The following RNF130 variants were observed in gnomAD, a reference collection of about 807,000 sequenced individuals.
The protein encoded by RNF130 is E3 ubiquitin-protein ligase RNF130.
Under a neutral mutation model 44.6 loss-of-function variants are expected in RNF130, and 21 were observed. The ratio of observed to expected loss-of-function variants is 0.47; its 90% CI spans 0.33 to 0.68. The LOEUF (loss-of-function observed/expected upper bound fraction) is 0.68, where lower values mean the gene tolerates loss of function less well. Among genes scored for constraint, RNF130 ranks in the 30% least tolerant of loss-of-function variants. The probability of loss-of-function intolerance (pLI) is 0.02; values close to 1 mark genes in which losing one functional copy is unlikely to be tolerated. For missense variants in RNF130, 479 were observed against 560.6 expected (o/e 0.85, Z 1.47); for synonymous variants, 214 against 210.4 (o/e 1.02, Z -0.15).
At chr5:179,927,959 C>A (rs978640871) in intron 7 of RNF130, among the ~76,000 whole-genome samples, 3 of 152,094 alleles carry the variant, frequency 2.0e-5, no homozygotes, top group Non-Finnish European at 4.4e-5. Flanking sequence ...TAGACTCTGT[C>A]TGACACACAA....
rs531973309 is a variant in RNF130 at position 180,027,810 on chromosome 5, A to T, written c.442+12643T>A. 3.0e-4 allele frequency among the ~76,000 whole-genome samples: 46 copies of T among 152,326 alleles called. No homozygotes were observed. The South Asian group carries it at 6.0e-3, about 20-fold the overall frequency. On this transcript the variant is annotated intron_variant, in intron 2 of 8. Transcript: ENST00000521389. ...ATCAGATGGCAGAGAAGAAGCTAGG[A>T]ACCCTGCTAGCTGCTTGAGACAGCT...
chr5:179,966,444 A>C (rs767977599), intron 7 of RNF130, among the ~76,000 whole-genome samples: 6 of 152,236 alleles, frequency 3.9e-5, no homozygotes, highest in Non-Finnish European at 8.8e-5. Flanking sequence ...ACGAGCGCTC[A>C]CAGCATACAA....
chr5:179,990,540 T>C (rs1483178112), intron 3 of RNF130, among the ~76,000 whole-genome samples: 1 of 152,218 alleles, frequency 6.6e-6, no homozygotes, highest in Non-Finnish European at 1.5e-5. Context: ...CAGTCGGGCC[T>C]TCCACAAGAG....
In RNF130 at chr5:180,020,659, C is replaced by T. The variant is rs140889225; in HGVS notation, c.443-7348G>A. 6.6e-5 allele frequency among the ~76,000 whole-genome samples: 10 copies of T among 152,256 alleles called. No individual in the cohort carries two copies. The East Asian group carries it at 1.9e-3, about 29-fold the overall frequency. On this transcript the variant is annotated intron_variant, in intron 2 of 8. Transcript: ENST00000521389. ...ATCACATACAAGTAGGGCCAAGGGG[C>T]CACAGTACAGCACTTGAATGTCAGC...
intron 2 of RNF130, among the ~76,000 whole-genome samples, chr5:180,038,464 G>A (rs1226215006): frequency 6.6e-6 from 1 of 150,410 alleles, no homozygotes; most frequent in African/African-American, 2.4e-5. Context: ...TTGGATTATA[G>A]GATTACAGGT....
At chr5:179,920,110 TACC>T (rs1761606262) in exon 8 of RNF130, 2 of 486,564 alleles carry the variant, frequency 4.1e-6, no homozygotes, top group Admixed American at 6.5e-5. Flanking sequence ...GGGTTTTCAA[TACC>T]ACAAGGCTCA....
At chr5:179,958,821 C>G (rs1219497374) in intron 8 of RNF130, among the ~76,000 whole-genome samples, 1 of 152,094 alleles carries the variant, frequency 6.6e-6, no homozygotes, top group Non-Finnish European at 1.5e-5. Flanking sequence ...GCTGGGATTA[C>G]AGGTACCTGC....
rs781777807 is a variant in RNF130 at position 180,011,370 on chromosome 5, GT to G, written c.693+1690del. On this transcript the variant is annotated intron_variant, in intron 3 of 8. Coordinates refer to ENST00000521389, the MANE Select transcript of RNF130 (RefSeq NM_018434.6). ...TACTGATTTTGATAACCACACTATG[GT>G]TATGTAAGAGAATGTTCTTGTTTTT... Among the ~76,000 whole-genome samples, 6 of 152,266 alleles carry G rather than the reference GT, an allele frequency of 3.9e-5. No homozygotes were observed. In the East Asian group the frequency reaches 1.2e-3, roughly 29 times the overall value.
chr5:180,014,505 GT>G (rs1453594538), intron 2 of RNF130, among the ~76,000 whole-genome samples: 1 of 152,090 alleles, frequency 6.6e-6, no homozygotes, highest in Non-Finnish European at 1.5e-5. Context: ...TTTGAATAAG[GT>G]TTGTACATAT....
At chr5:179,976,445 G>A (rs1345995792) in intron 5 of RNF130, among the ~76,000 whole-genome samples, 4 of 152,174 alleles carry the variant, frequency 2.6e-5, no homozygotes, top group Non-Finnish European at 4.4e-5. Context: ...AGGCAAGTGT[G>A]GATGACGCCT....
intron 3 of RNF130, among the ~76,000 whole-genome samples, chr5:179,989,130 G>C (rs1425837084): frequency 1.3e-5 from 2 of 152,210 alleles, no homozygotes; most frequent in Admixed American, 1.3e-4. Flanking sequence ...CAGCAGGAGA[G>C]AGAATGAGTG....
intron 7 of RNF130, among the ~76,000 whole-genome samples, chr5:179,930,245 A>G (rs1380108019): frequency 6.6e-6 from 1 of 152,018 alleles, no homozygotes; most frequent in African/African-American, 2.4e-5. Context: ...TTTAGTAGAG[A>G]TGGGGTTTCA....
At chr5:180,065,669 A>G (rs1452985324) in intron 1 of RNF130, among the ~76,000 whole-genome samples, 2 of 151,962 alleles carry the variant, frequency 1.3e-5, no homozygotes, top group African/African-American at 2.4e-5. Context: ...CTGAAGCAGG[A>G]GAATTGCTTG....
chr5:179,950,194 C>T (rs1291932353), downstream of RNF130, among the ~76,000 whole-genome samples: 1 of 152,006 alleles, frequency 6.6e-6, no homozygotes, highest in African/African-American at 2.4e-5. Context: ...CTCACTGCAA[C>T]CTCTACCTCC....
chr5:180,068,322 A>T (rs981612771), intron 1 of RNF130, among the ~76,000 whole-genome samples: 3 of 152,258 alleles, frequency 2.0e-5, no homozygotes, highest in Non-Finnish European at 4.4e-5. Flanking sequence ...GTAAGTAATA[A>T]GAAAGCAACC....
intron 1 of RNF130, among the ~76,000 whole-genome samples, chr5:180,059,297 C>T (rs780077814): frequency 6.6e-6 from 1 of 152,200 alleles, no homozygotes; most frequent in Non-Finnish European, 1.5e-5. Context: ...CCACCCTAGA[C>T]TGAGTCTCTT....
chr5:180,060,582 C>G (rs997216362), intron 1 of RNF130, among the ~76,000 whole-genome samples: 2 of 152,222 alleles, frequency 1.3e-5, no homozygotes, highest in African/African-American at 4.8e-5. Flanking sequence ...TGTCCGTTCA[C>G]TTGCCAGCAC....
At chr5:179,968,667 T>TA (rs35941932) in intron 6 of RNF130, among the ~76,000 whole-genome samples, 11,470 of 68,042 alleles carry the variant, frequency 0.17, 722 homozygotes, top group African/African-American at 0.24. Flanking sequence ...CTCTGTCTCA[T>TA]AAAAAAAAAA....
Position 179,920,723 on chromosome 5 carries a change from G to A in RNF130, c.1151-297C>T, listed in dbSNP as rs79213209. Among the ~76,000 whole-genome samples, 305 of 151,742 alleles carry A rather than the reference G, an allele frequency of 2.0e-3. 3 individuals carry two copies. Among genetic ancestry groups the A allele is most frequent in the African/African-American group, 7.1e-3 (293 of 41,360 alleles). On this transcript the variant is annotated intron_variant, in intron 7 of 7. Coordinates refer to the RNF130 transcript ENST00000522208. The stretch of plus-strand genomic sequence containing the variant: ...CTTAGAAACGTGAAGACTTCTTCCT[G>A]GGCACATGATCTTATGGAGGACTGC...
Sources: gnomAD v4.1 joint callset for allele counts (sites outside exome capture counted in the v4.1 genomes callset) on GRCh38, gnomAD v4.1.1 for gene constraint, MANE v1.5 for transcripts, NCBI Gene and HGNC (gene_info 2026-07-23, HGNC 2026-07-21) for gene names.